Variants in KIF9 observed in about 807,000 individuals in gnomAD.
KIF9 encodes kinesin-like protein KIF9.
KIF9 carries 68 observed loss-of-function variants against 94.8 expected under a neutral mutation model. The ratio of observed to expected loss-of-function variants is 0.72; its 90% CI spans 0.59 to 0.88. KIF9 has a LOEUF of 0.88. KIF9 is among the 40% of genes least tolerant of loss of function. The probability of loss-of-function intolerance (pLI) is 0.00; values close to 1 mark genes in which losing one functional copy is unlikely to be tolerated. For missense variants in KIF9, 882 were observed against 982.5 expected (o/e 0.90, Z 1.37); for synonymous variants, 343 against 362.1 (o/e 0.95, Z 0.60).
In KIF9 at chr3:47,282,665, G is replaced by T. The variant is rs1432769747; in HGVS notation, c.-176C>A. On this transcript the variant is annotated 5_prime_UTR_variant, in exon 1 of 21. Transcript: ENST00000684063. ...ATGAAGTCCGAGGTCCTACGTCGAG[G>T]ATACGGGTGAGGTCATGGCCGAATC... is the stretch of plus-strand genomic sequence containing the variant. 7.9e-7 allele frequency: 1 copy of T among 1,266,762 alleles called. No homozygotes were observed. The highest frequency in any genetic ancestry group is 1.0e-6 in the Non-Finnish European group (1 of 995,636). 78.5% of individuals were successfully genotyped at this position (1,266,762 alleles called of 1,614,324 possible). A position where few individuals can be genotyped will look rare whatever the true frequency, so the allele number is the denominator to read the frequency against.
intron 17 of KIF9, chr3:47,239,419 C>T (rs903911763): frequency 2.3e-5 from 6 of 257,898 alleles, no homozygotes; most frequent in Non-Finnish European, 3.1e-5. Flanking sequence ...CCCTGTGGCT[C>T]TGGATAGGGG....
chr3:47,243,394 A>G (rs1699714417), intron 15 of KIF9, 149 bp from the exon 16 acceptor site: 1 of 549,310 alleles, frequency 1.8e-6, no homozygotes, highest in Non-Finnish European at 3.1e-6. Flanking sequence ...AAAAGCGCAA[A>G]TAGTGTGATG....
Position 47,257,378 on chromosome 3 carries a change from G to A in KIF9, c.1059+105C>T, listed in dbSNP as rs959690913. On this transcript the variant is annotated intron_variant, in intron 10 of 20. Transcript: ENST00000684063. ...AAAGGGCTGACCCAGGGCTGCATGGGGATCTTTGGTTGAGGCAGGAAGGGA... is the reference window on the plus strand; with the variant it reads ...AAAGGGCTGACCCAGGGCTGCATGGAGATCTTTGGTTGAGGCAGGAAGGGA... The A allele has an allele frequency of 1.6e-5, 16 of 974,566 alleles. No homozygotes were observed. In the South Asian group the frequency reaches 2.0e-4, roughly 12 times the overall value. The allele number at this position is 974,566 out of a possible 1,614,324, so 60.4% of individuals were successfully genotyped here.
intron 17 of KIF9, among the ~76,000 whole-genome samples, chr3:47,237,191 T>G (rs1699094352): frequency 6.6e-6 from 1 of 152,148 alleles, no homozygotes; most frequent in Non-Finnish European, 1.5e-5. Flanking sequence ...CCTCCCGAGT[T>G]CAAGCGATTC....
At chr3:47,281,835 T>C (rs1702382544) in intron 1 of KIF9, among the ~76,000 whole-genome samples, 1 of 152,186 alleles carries the variant, frequency 6.6e-6, no homozygotes, top group Admixed American at 6.5e-5. Context: ...CCATGAAGAC[T>C]AGACAAGAGG....
chr3:47,280,807 C>A, intron 1 of KIF9: 1 of 662,576 alleles, frequency 1.5e-6, no homozygotes, highest in Non-Finnish European at 2.7e-6. Flanking sequence ...AAGGCCCTCC[C>A]ATGCTGACAC....
intron 10 of KIF9, among the ~76,000 whole-genome samples, chr3:47,248,864 C>T (rs2107261199): frequency 6.6e-6 from 1 of 152,274 alleles, no homozygotes; most frequent in Admixed American, 6.5e-5. Flanking sequence ...TCACCTCAGC[C>T]TCCTGAGTAG....
At chr3:47,268,597 T>C (rs1312028357) in intron 5 of KIF9, among the ~76,000 whole-genome samples, 1 of 151,554 alleles carries the variant, frequency 6.6e-6, no homozygotes, top group Non-Finnish European at 1.5e-5. Context: ...TTTTTTTTTT[T>C]TTTTGAGATC....
chr3:47,279,812 T>C (rs1010174516), intron 1 of KIF9, among the ~76,000 whole-genome samples: 8 of 151,934 alleles, frequency 5.3e-5, no homozygotes, highest in East Asian at 1.9e-4. Flanking sequence ...AGAGATGGGG[T>C]TTCACCGTGT....
chr3:47,257,459 A>C (rs1385380199), intron 10 of KIF9, 24 bp downstream of exon 10: 1 of 1,604,564 alleles, frequency 6.2e-7, no homozygotes, highest in Non-Finnish European at 8.5e-7. Context: ...ACAGTGGGAC[A>C]CCTGTCCACA....
intron 20 of KIF9, among the ~76,000 whole-genome samples, chr3:47,233,414 G>A (rs1001512027): frequency 1.4e-5 from 2 of 147,548 alleles, no homozygotes; most frequent in East Asian, 2.0e-4. Context: ...AGAAAAAACC[G>A]GCCAGGTACA....
At chr3:47,248,324 C>A in intron 10 of KIF9, 1 of 502,624 alleles carries the variant, frequency 2.0e-6, no homozygotes, top group African/African-American at 2.0e-5. Flanking sequence ...TTTGCTACTG[C>A]CAGTAGAAGA....
chr3:47,230,692 T>C (rs1366060181), intron 20 of KIF9, among the ~76,000 whole-genome samples: 1 of 148,256 alleles, frequency 6.7e-6, no homozygotes, highest in Non-Finnish European at 1.5e-5. Flanking sequence ...GATCACACCA[T>C]TGCACTCCAG....
chr3:47,252,017 G>C (rs1169899212), intron 10 of KIF9, among the ~76,000 whole-genome samples: 5 of 152,086 alleles, frequency 3.3e-5, no homozygotes, highest in Admixed American at 3.3e-4. Context: ...CTGCCTTATA[G>C]CCAGCCCCAT....
rs1232173852 is a variant in KIF9, at chr3:47,243,207, T to A, written c.1553A>T (p.Asn518Ile). 1 of 1,612,764 alleles carries A rather than the reference T, an allele frequency of 6.2e-7. No homozygotes were observed. Among genetic ancestry groups the A allele is most frequent in the Admixed American group, 1.7e-5 (1 of 59,960 alleles). Residue 518 changes from asparagine to isoleucine, a missense_variant, in exon 16 of 21, where the codon AAT becomes ATT. Transcript: ENST00000684063. ...ARKEGASSPV[N>I]GKDLDYVSTS... is the part of the protein sequence containing the mutation. ...GGAAACGTAATCCAAGTCCTTCCCA[T>A]TCACAGGGCTGCTGGCACCTTCCTT... is the stretch of plus-strand genomic sequence containing the variant.
At position 47,275,466 on chromosome 3, in the gene KIF9, C is replaced by T; in HGVS notation, c.118G>A (p.Asp40Asn). The T allele has an allele frequency of 6.2e-7, 1 of 1,609,176 alleles. No homozygotes were observed. The highest frequency in any genetic ancestry group is 1.1e-5 in the South Asian group (1 of 89,686). ...TTATTGACAACTCCTCTCCGAATGTCTTTTTTTAAGTGAATATCAATGCTC... is the reference window on the plus strand; with the variant it reads ...TTATTGACAACTCCTCTCCGAATGTTTTTTTTTAAGTGAATATCAATGCTC... ...KRSIDIHLKK[D>N]IRRGVVNNQQ... The change falls in exon 3 of 21, where the codon GAC (aspartate) becomes AAC (asparagine). Residue 40 changes from aspartate to asparagine, a missense_variant. Coordinates refer to ENST00000684063, the MANE Select transcript of KIF9 (RefSeq NM_182902.4).
Position 47,281,115 on chromosome 3 carries a change from A to C in KIF9, c.-6+1380T>G. The C allele has an allele frequency of 5.9e-6, 4 of 677,564 alleles. No homozygotes were observed. The South Asian group carries it at 6.3e-5, about 11-fold the overall frequency. The allele number at this position is 677,564 out of a possible 1,614,324, so 42.0% of individuals were successfully genotyped here. A position where few individuals can be genotyped will look rare whatever the true frequency, so the allele number is the denominator to read the frequency against. On this transcript the variant is annotated intron_variant, in intron 1 of 20. Transcript: ENST00000684063. ...CCCAGCACAGAGTAGGTATTCAGGAAATGGCGGTGGTTGGTGATGGTAATG... is the reference window on the plus strand; with the variant it reads ...CCCAGCACAGAGTAGGTATTCAGGACATGGCGGTGGTTGGTGATGGTAATG...
rs767295463 is a variant in KIF9, at chr3:47,244,925, C to A, written c.1381-1G>T. On this transcript the variant is annotated splice_acceptor_variant, in intron 14 of 20. Transcript: ENST00000684063. LOFTEE classifies it high-confidence loss of function. The stretch of plus-strand genomic sequence containing the variant: ...GGCCATCAACATCCACAAGCCCCGC[C>A]TACATAGAGAGGCCAGCCAAAGGTC... The A allele has an allele frequency of 6.2e-7, 1 of 1,614,064 alleles. No homozygotes were observed. Among genetic ancestry groups the A allele is most frequent in the Non-Finnish European group, 8.5e-7 (1 of 1,179,950 alleles).
At chr3:47,259,038 C>T (rs908912038) in intron 9 of KIF9, among the ~76,000 whole-genome samples, 1 of 152,206 alleles carries the variant, frequency 6.6e-6, no homozygotes, top group Non-Finnish European at 1.5e-5. Context: ...GAAGACACCC[C>T]TGAGCCATTC....
Sources: gnomAD v4.1 joint callset for allele counts (sites outside exome capture counted in the v4.1 genomes callset) on GRCh38, gnomAD v4.1.1 for gene constraint, MANE v1.5 for transcripts, NCBI Gene and HGNC (gene_info 2026-07-23, HGNC 2026-07-21) for gene names.